The following FAM13A variants were observed in gnomAD, a reference collection of about 807,000 sequenced individuals.
FAM13A encodes the protein protein FAM13A.
In FAM13A, 76 loss-of-function variants were observed where a neutral mutation model predicts 129.6. The ratio of observed to expected loss-of-function variants is 0.59; its 90% CI spans 0.49 to 0.71. FAM13A has a LOEUF of 0.71. Among genes scored for constraint, FAM13A ranks in the 30% least tolerant of loss-of-function variants. The pLI, the probability that FAM13A is intolerant of heterozygous loss-of-function variation, is 0.00. For synonymous variants in FAM13A, 443 were observed against 449.9 expected (o/e 0.98, Z 0.20); for missense variants, 1,108 against 1,249.3 (o/e 0.89, Z 1.70).
chr4:88,950,323 C>T (rs938262897), intron 4 of FAM13A, among the ~76,000 whole-genome samples: 5 of 151,746 alleles, frequency 3.3e-5, no homozygotes, highest in African/African-American at 1.2e-4. Flanking sequence ...GCCTCAGCCT[C>T]CTGAGTAGCT....
chr4:88,936,035 C>A (rs1027612330), intron 5 of FAM13A, among the ~76,000 whole-genome samples: 6 of 152,160 alleles, frequency 3.9e-5, no homozygotes, highest in Non-Finnish European at 8.8e-5. Flanking sequence ...CTGAAACTTA[C>A]ATTAAAAGAG....
chr4:88,851,125 A>G lies in FAM13A; in HGVS notation c.902T>C (p.Leu301Pro). 1.9e-6 allele frequency: 3 copies of G among 1,613,758 alleles called. No homozygotes were observed. The highest frequency in any genetic ancestry group is 2.5e-6 in the Non-Finnish European group (3 of 1,179,884). ...IQAHRVLQPELSDGIPQLSLR... is the reference protein window; with the variant it reads ...IQAHRVLQPEPSDGIPQLSLR... ...GCTGAGCTGAGGAATGCCATCAGAT[A>G]GCTCTGGTTGCAGTACTCTGTGGGC... Residue 301 changes from leucine to proline, a missense_variant, in exon 7 of 24, where the codon CTA becomes CCA. Physicochemically the swap from Leu to Pro is moderately conservative, Grantham distance 98. Around this residue, in one of 3 missense-constraint regions of FAM13A, gnomAD observed 566 missense variants for 595.7 expected, o/e 0.95. Coordinates refer to ENST00000264344, the MANE Select transcript of FAM13A (RefSeq NM_014883.4).
chr4:89,037,422 A>C (rs1769527713), intron 1 of FAM13A, among the ~76,000 whole-genome samples: 1 of 152,152 alleles, frequency 6.6e-6, no homozygotes, highest in Non-Finnish European at 1.5e-5. Context: ...GGATGTATTT[A>C]CCTAACACCT....
intron 6 of FAM13A, among the ~76,000 whole-genome samples, chr4:88,904,342 C>A (rs1052589552): frequency 7.4e-4 from 113 of 152,152 alleles, no homozygotes; most frequent in African/African-American, 2.6e-3. Flanking sequence ...GTACTACTTA[C>A]AATAGCAAAG....
chr4:88,988,665 C>T (rs1560676617), intron 4 of FAM13A, among the ~76,000 whole-genome samples: 1 of 151,388 alleles, frequency 6.6e-6, no homozygotes. Flanking sequence ...CTTGAAAAAA[C>T]CAGTTAAGTT....
chr4:88,822,747 G>A (rs1167622064), intron 7 of FAM13A, among the ~76,000 whole-genome samples: 2 of 152,060 alleles, frequency 1.3e-5, no homozygotes, highest in Non-Finnish European at 2.9e-5. Context: ...TTCAGAGAAG[G>A]ATATAACTAA....
At chr4:88,896,774 A>G (rs1391502640) in intron 6 of FAM13A, among the ~76,000 whole-genome samples, 2 of 152,246 alleles carry the variant, frequency 1.3e-5, no homozygotes, top group Non-Finnish European at 2.9e-5. Context: ...CTATGAAAGC[A>G]TTAGGAGAAT....
chr4:88,951,621 T>C (rs1307199013), intron 4 of FAM13A, among the ~76,000 whole-genome samples: 1 of 152,158 alleles, frequency 6.6e-6, no homozygotes, highest in Non-Finnish European at 1.5e-5. Flanking sequence ...GTCCAAGACA[T>C]AACAATACAT....
At chr4:88,867,842 G>A (rs1185448326) in intron 6 of FAM13A, among the ~76,000 whole-genome samples, 1 of 152,206 alleles carries the variant, frequency 6.6e-6, no homozygotes, top group Non-Finnish European at 1.5e-5. Flanking sequence ...ATATGGGTAT[G>A]TAGGGGGAGA....
chr4:88,888,867 C>T (rs1299484697), intron 6 of FAM13A, among the ~76,000 whole-genome samples: 7 of 146,016 alleles, frequency 4.8e-5, no homozygotes, highest in African/African-American at 1.5e-4. Flanking sequence ...ACCCGGGAGG[C>T]GGAGCTTGCA....
chr4:88,989,719 TCTGA>T (rs1258150082), intron 4 of FAM13A: 3 of 152,220 alleles, frequency 2.0e-5, no homozygotes, highest in African/African-American at 4.8e-5. Context: ...TTACTGATAT[TCTGA>T]CTGACTACCT....
At chr4:89,003,025 A>C (rs1044082491) in intron 3 of FAM13A, among the ~76,000 whole-genome samples, 1 of 152,120 alleles carries the variant, frequency 6.6e-6, no homozygotes, top group African/African-American at 2.4e-5. Flanking sequence ...AACACAAGAA[A>C]ATTTCCAAGA....
chr4:88,998,832 T>C (rs1392901661), intron 3 of FAM13A, among the ~76,000 whole-genome samples: 1 of 152,202 alleles, frequency 6.6e-6, no homozygotes, highest in Middle Eastern at 3.2e-3. Flanking sequence ...GAAGCTTATA[T>C]AGGCAACAGA....
At chr4:88,912,813 C>G (rs2704591) in intron 5 of FAM13A, among the ~76,000 whole-genome samples, 1 of 151,888 alleles carries the variant, frequency 6.6e-6, no homozygotes, top group Non-Finnish European at 1.5e-5. Context: ...TCTGTCTCTA[C>G]AAAAACAACA....
intron 4 of FAM13A, among the ~76,000 whole-genome samples, chr4:88,945,990 GTATATATATATA>G (rs199936059): frequency 4.2e-4 from 26 of 61,962 alleles, no homozygotes; most frequent in East Asian, 2.1e-3. Context: ...GTGTGTGTGT[GTATATATATATA>G]TATATATATA....
intron 4 of FAM13A, among the ~76,000 whole-genome samples, chr4:88,966,700 A>G (rs1759397289): frequency 6.6e-6 from 1 of 152,172 alleles, no homozygotes; most frequent in Admixed American, 6.5e-5. Context: ...GTTCTATTCT[A>G]TGTTAAGAGG....
At chr4:88,909,395 T>C (rs577150646) in intron 5 of FAM13A, among the ~76,000 whole-genome samples, 1 of 152,282 alleles carries the variant, frequency 6.6e-6, no homozygotes, top group South Asian at 2.1e-4. Flanking sequence ...AATAGGCAAA[T>C]ACTTAGTGAC....
intron 4 of FAM13A, among the ~76,000 whole-genome samples, chr4:88,944,588 C>T (rs575107799): frequency 3.2e-4 from 48 of 152,122 alleles, no homozygotes; most frequent in Admixed American, 5.9e-4. Context: ...GTTTGACTTC[C>T]TAGAGTTAAG....
chr4:88,896,531 G>C (rs1315104832), intron 6 of FAM13A, among the ~76,000 whole-genome samples: 1 of 152,070 alleles, frequency 6.6e-6, no homozygotes, highest in African/African-American at 2.4e-5. Flanking sequence ...TTAAGTATCT[G>C]GTTTACTTTG....
Sources: gnomAD v4.1 joint callset for allele counts (sites outside exome capture counted in the v4.1 genomes callset) on GRCh38, gnomAD v4.1.1 for gene constraint, gnomAD v4.1.1 regional missense constraint, MANE v1.5 for transcripts, NCBI Gene and HGNC (gene_info 2026-07-23, HGNC 2026-07-21) for gene names.